Variants in CERCAM observed in about 807,000 individuals in gnomAD.
CERCAM encodes the protein inactive glycosyltransferase 25 family member 3.
A neutral mutation model predicts 66.0 loss-of-function variants in CERCAM; 59 were observed. That is an observed-to-expected ratio of 0.89 (90% CI 0.73 to 1.11). The LOEUF is 1.11. Ranked by LOEUF, CERCAM falls within the 50% of genes most tolerant of loss-of-function variation. CERCAM has a pLI of 0.00. For missense variants in CERCAM, 840 were observed against 828.3 expected (o/e 1.01, Z -0.17); for synonymous variants, 318 against 343.6 (o/e 0.93, Z 0.83).
chr9:128,431,265 G>A lies in CERCAM; in HGVS notation c.1165G>A (p.Val389Met), dbSNP rs138785534. ...GGGCCGCACTCTGACCAAGGGCGAG[G>A]TGGGCTGCTTCCTCAGCCATTACTC... ...YSGRTLTKGE[V>M]GCFLSHYSIW... Residue 389 changes from valine (V) to methionine (M), a missense_variant, in exon 9 of 13, where the codon GTG (valine) becomes ATG (methionine). Coordinates refer to ENST00000372838, the MANE Select transcript of CERCAM (RefSeq NM_016174.5). 5 of 1,613,982 alleles carry A rather than the reference G, an allele frequency of 3.1e-6. No homozygotes were observed. The African/African-American group carries it at 6.7e-5, about 22-fold the overall frequency.
At chr9:128,421,608 CTTGGTAGAGG>C (rs1833711280) in intron 1 of CERCAM, 2 of 845,020 alleles carry the variant, frequency 2.4e-6, no homozygotes, top group Non-Finnish European at 2.8e-6. Flanking sequence ...CTTGGTAGAT[CTTGGTAGAGG>C]GGCGGGATCC....
chr9:128,433,524 C>G lies in CERCAM; in HGVS notation c.1204-578C>G, dbSNP rs374152446. ...TGGAGGAGTGGGAGGGGAGATGGCT[C>G]CTGGTCTTGGCCATGGCTGCTTTGG... On this transcript the variant is annotated intron_variant, in intron 9 of 12. Coordinates refer to ENST00000372838, the MANE Select transcript of CERCAM (RefSeq NM_016174.5). 2.8e-3 allele frequency among the ~76,000 whole-genome samples: 422 copies of G among 152,200 alleles called. 1 individual carries two copies. The highest frequency in any genetic ancestry group is 9.4e-3 in the African/African-American group (391 of 41,534).
Position 128,428,779 on chromosome 9 carries a change from C to A in CERCAM, c.909C>A (p.Ala303=), listed in dbSNP as rs981528355. Residue 303 remains alanine (A), a synonymous_variant, in exon 7 of 13, where the codon GCC becomes GCA. Coordinates refer to ENST00000372838, the MANE Select transcript of CERCAM (RefSeq NM_016174.5). The part of the protein sequence containing the change: ...EALVDGPRMQ[A]SAHVTRPSKR... ...CAGTGGACGGCCCCCGCATGCAGGC[C>A]TCAGCTCATGTGACTCGGCCCTCTA... 1.2e-6 allele frequency: 2 copies of A among 1,613,862 alleles called. No homozygotes were observed. Among genetic ancestry groups the A allele is most frequent in the Non-Finnish European group, 1.7e-6 (2 of 1,180,012 alleles).
At position 128,421,027 on chromosome 9, in the gene CERCAM, G is replaced by A. The variant is rs1489490965; in HGVS notation, c.150G>A (p.Leu50=). 2 of 1,433,652 alleles carry A rather than the reference G, an allele frequency of 1.4e-6. No individual in the cohort carries two copies. The highest frequency in any genetic ancestry group is 9.2e-7 in the Non-Finnish European group (1 of 1,091,632). The allele number at this position is 1,433,652 out of a possible 1,614,324, so 88.8% of individuals were successfully genotyped here. The change falls in exon 1 of 13, where the codon CTG becomes CTA. Residue 50 remains leucine (L), a synonymous_variant. Transcript: ENST00000372838. ...CCGAACACTCGCTGCCCCACTACCT[G>A]GGCGCTCTGGAGCGGCTGGACTACC... is the stretch of plus-strand genomic sequence containing the variant. ...RNAEHSLPHY[L]GALERLDYPR...
Position 128,425,290 on chromosome 9 carries a change from C to T in CERCAM, c.766+676C>T, listed in dbSNP as rs573012838. Among the ~76,000 whole-genome samples, 7 of 146,178 alleles carry T rather than the reference C, an allele frequency of 4.8e-5. No individual in the cohort carries two copies. The East Asian group carries it at 1.1e-3, about 22-fold the overall frequency. On this transcript the variant is annotated intron_variant, in intron 5 of 12. Coordinates refer to ENST00000372838, the MANE Select transcript of CERCAM (RefSeq NM_016174.5). Reference sequence around the variant, plus strand: ...CAGGATGGTCTCGATCTCCTGACCTCGTGATCTGCCCGCCTCGGCCTCCCA... The same window carrying T: ...CAGGATGGTCTCGATCTCCTGACCTTGTGATCTGCCCGCCTCGGCCTCCCA...
chr9:128,431,338 G>A (rs1360772988), intron 9 of CERCAM, 35 bp downstream of exon 9: 12 of 1,611,716 alleles, frequency 7.4e-6, no homozygotes, highest in Middle Eastern at 1.6e-4. Flanking sequence ...CACAGCCTTC[G>A]GGGAGAACGG....
Position 128,424,632 on chromosome 9 carries a change from T to C in CERCAM, c.766+18T>C, listed in dbSNP as rs369125747. 1 of 1,611,222 alleles carries C rather than the reference T, an allele frequency of 6.2e-7. No homozygotes were observed. Among genetic ancestry groups the C allele is most frequent in the Non-Finnish European group, 8.5e-7 (1 of 1,177,996 alleles). The stretch of plus-strand genomic sequence containing the variant: ...GGCTGCTGGTGAGGACCAGCCCTCC[T>C]TTAGCATTCCTTGGAGGCCTCTGCA... On this transcript the variant is annotated intron_variant, in intron 5 of 12. Transcript: ENST00000372838.
chr9:128,426,574 C>T lies in CERCAM; in HGVS notation c.767-1728C>T, dbSNP rs983076022. Reference sequence around the variant, plus strand: ...GGCAGAGCTTGCAGTGAGCCGAGATCGCGCCACTGCACTCCAGCCTGGGCG... The same window carrying T: ...GGCAGAGCTTGCAGTGAGCCGAGATTGCGCCACTGCACTCCAGCCTGGGCG... On this transcript the variant is annotated intron_variant, in intron 5 of 12. Transcript: ENST00000372838. Among the ~76,000 whole-genome samples, 6 of 151,306 alleles carry T rather than the reference C, an allele frequency of 4.0e-5. No individual in the cohort carries two copies. In the South Asian group the frequency reaches 1.0e-3, roughly 26 times the overall value.
intron 8 of CERCAM, among the ~76,000 whole-genome samples, chr9:128,429,618 G>A (rs1293748248): frequency 6.6e-6 from 1 of 151,458 alleles, no homozygotes; most frequent in East Asian, 1.9e-4. Context: ...TTTTTTTTTA[G>A]AGACAGCGTC....
At position 128,420,900 on chromosome 9, in the gene CERCAM, C is replaced by T. The variant is rs1327192771; in HGVS notation, c.23C>T (p.Pro8Leu). The change falls in exon 1 of 13, where the codon CCG becomes CTG. Residue 8 changes from proline to leucine, a missense_variant. Coordinates refer to ENST00000372838, the MANE Select transcript of CERCAM (RefSeq NM_016174.5). This position sits in a 1 kb window ranked among gnomAD's most constrained non-coding sequence, Gnocchi z 5.0. MRAARAA[P>L]LLQLLLLLGP... ...GCCATGCGCGCTGCCCGCGCCGCGC[C>T]GCTGCTCCAGCTGCTGCTCCTGCTG... 2 of 1,346,530 alleles carry T rather than the reference C, an allele frequency of 1.5e-6. No individual in the cohort carries two copies. The highest frequency in any genetic ancestry group is 4.7e-4 in the Middle Eastern group (2 of 4,262). The allele number at this position is 1,346,530 out of a possible 1,614,324, so 83.4% of individuals were successfully genotyped here.
rs750566174 is a variant in CERCAM, at chr9:128,431,219, G to A, written c.1119G>A (p.Pro373=). 1.8e-5 allele frequency: 29 copies of A among 1,613,810 alleles called. No homozygotes were observed. The highest frequency in any genetic ancestry group is 2.7e-5 in the African/African-American group (2 of 74,886). ...AIRNLGVDLL[P]GYQDPYSGRT... ...GGAACCTCGGCGTAGACCTGCTCCC[G>A]GGCTACCAGGACCCTTACTCGGGCC... Residue 373 remains proline, a synonymous_variant, in exon 9 of 13, where the codon CCG becomes CCA. Coordinates refer to ENST00000372838, the MANE Select transcript of CERCAM (RefSeq NM_016174.5).
At chr9:128,430,892 T>A in intron 8 of CERCAM, 1 of 283,902 alleles carries the variant, frequency 3.5e-6, no homozygotes, top group Non-Finnish European at 6.5e-6. Flanking sequence ...ACCTGTAATC[T>A]CAGCTACTTG....
In CERCAM at chr9:128,434,668, C is replaced by T. The variant is rs986612486; in HGVS notation, c.1535+55C>T. 3.8e-5 allele frequency: 58 copies of T among 1,534,312 alleles called. No homozygotes were observed. In the East Asian group the frequency reaches 9.4e-4, roughly 25 times the overall value. ...AGGGCAGAGGCGTCCCCTCCAGGAA[C>T]TCACCTCAGTCAGCAGGAAGTCCCC... is the stretch of plus-strand genomic sequence containing the variant. On this transcript the variant is annotated intron_variant, in intron 11 of 12. Coordinates refer to ENST00000372838, the MANE Select transcript of CERCAM (RefSeq NM_016174.5). The surrounding 1 kb of genome is among the most constrained non-coding windows in gnomAD (Gnocchi z 4.5).
intron 5 of CERCAM, 117 bp from the exon 6 acceptor site, chr9:128,428,185 T>G: frequency 1.6e-6 from 2 of 1,232,454 alleles, no homozygotes; most frequent in Non-Finnish European, 2.2e-6. Context: ...GTGGGGAAAC[T>G]GAGTCCCAGA....
rs1172204809 is a variant in CERCAM, at chr9:128,435,868, G to A, written c.1751G>A (p.Gly584Glu). ...SPRLDLTGSS[G>E]HSLQPQPRDE... Reference sequence around the variant, plus strand: ...CGCCTGGACCTGACTGGCAGCAGCGGGCACAGCCTCCAACCCCAGCCCCGA... The same window carrying A: ...CGCCTGGACCTGACTGGCAGCAGCGAGCACAGCCTCCAACCCCAGCCCCGA... The change falls in exon 12 of 13, where the codon GGG becomes GAG. Residue 584 changes from glycine to glutamate, a missense_variant. By Grantham distance (98) the Gly-to-Glu change is moderately conservative (BLOSUM62 -2). Coordinates refer to ENST00000372838, the MANE Select transcript of CERCAM (RefSeq NM_016174.5). The A allele has an allele frequency of 1.9e-6, 3 of 1,608,172 alleles. No homozygotes were observed. Among genetic ancestry groups the A allele is most frequent in the African/African-American group, 2.7e-5 (2 of 74,872 alleles).
intron 12 of CERCAM, among the ~76,000 whole-genome samples, chr9:128,436,552 G>A (rs566316776): frequency 1.3e-3 from 190 of 151,960 alleles, no homozygotes; most frequent in Non-Finnish European, 1.3e-3. Context: ...CTGGCCTTTT[G>A]TATTTTTAGT....
Position 128,424,213 on chromosome 9 carries a change from G to A in CERCAM, c.502G>A (p.Ala168Thr), listed in dbSNP as rs2131328654. The A allele has an allele frequency of 6.2e-7, 1 of 1,614,152 alleles. No homozygotes were observed. Among genetic ancestry groups the A allele is most frequent in the South Asian group, 1.1e-5 (1 of 91,086 alleles). ...CATGGGGCAGGGGCTTCCAGTGGTG[G>A]CCCCAATGCTGGACTCCCAGACCTA... ...LLMGQGLPVV[A>T]PMLDSQTYYS... Residue 168 changes from alanine (A) to threonine (T), a missense_variant, in exon 4 of 13, where the codon GCC (alanine) becomes ACC (threonine). Physicochemically the swap from Ala to Thr is moderately conservative, Grantham distance 58. Coordinates refer to ENST00000372838, the MANE Select transcript of CERCAM (RefSeq NM_016174.5).
Position 128,435,920 on chromosome 9 carries a change from G to T in CERCAM, c.*15G>T, listed in dbSNP as rs771782963. The T allele has an allele frequency of 1.3e-6, 2 of 1,590,866 alleles. No individual in the cohort carries two copies. The highest frequency in any genetic ancestry group is 2.2e-5 in the South Asian group (2 of 89,188). On this transcript the variant is annotated intron_variant, in intron 12 of 12. Transcript: ENST00000372838. ...ATGAGCTCTAGGTGAGGCCAGGGCG[G>T]GAAGAGGCCCCAGCCCCGTAGACCT...
At chr9:128,422,293 T>C (rs28532015) in intron 1 of CERCAM, 29,688 of 152,600 alleles carry the variant, frequency 0.19, 3,028 homozygotes, top group East Asian at 0.37. Context: ...GTTGGCCAGG[T>C]GTGGTGGCTC....
Sources: gnomAD v4.1 joint callset for allele counts (sites outside exome capture counted in the v4.1 genomes callset) on GRCh38, gnomAD v4.1.1 for gene constraint, Gnocchi (gnomAD v3.1) non-coding constraint, MANE v1.5 for transcripts, NCBI Gene and HGNC (gene_info 2026-07-23, HGNC 2026-07-21) for gene names.